Variants in KLHL1 observed in about 807,000 individuals in gnomAD.
The protein encoded by KLHL1 is kelch like family member 1.
KLHL1 carries 47 observed loss-of-function variants against 77.7 expected under a neutral mutation model. The ratio of observed to expected loss-of-function variants is 0.60; its 90% confidence interval spans 0.48 to 0.77. The LOEUF is 0.77. Ranked by LOEUF, KLHL1 falls within the 30% of genes least tolerant of loss-of-function variation. The pLI is 0.00. For missense variants in KLHL1, 925 were observed against 910.8 expected, an observed-to-expected ratio of 1.02 and a Z score of -0.20; for synonymous variants, 360 against 325.2, an observed-to-expected ratio of 1.11 and a Z score of -1.15.
At chr13:70,028,988 A>G (rs1443427856) in intron 1 of KLHL1, among the ~76,000 whole-genome samples, 1 of 151,864 alleles carries the variant, frequency 6.6e-6, no homozygotes, top group Non-Finnish European at 1.5e-5. Context: ...TTAAAAAAAA[A>G]AAAAAATCAC....
chr13:69,940,120 A>G lies in KLHL1; in HGVS notation c.934T>C (p.Ser312Pro). ...CHFLMKLLHP[S>P]NCLGIRAFAD... ...AAGGCTCGAATTCCTAAACAGTTAG[A>G]TGGATGCAAAAGCTTCATGAGGAAG... The change falls in exon 4 of 11, where the codon TCT (serine) becomes CCT (proline). Residue 312 changes from serine (S) to proline (P), a missense_variant. Transcript: ENST00000377844. 6.2e-7 allele frequency: 1 copy of G among 1,613,234 alleles called. No homozygotes were observed. Among genetic ancestry groups the G allele is most frequent in the Non-Finnish European group, 8.5e-7 (1 of 1,179,588 alleles).
chr13:69,881,122 G>A (rs1457421005), intron 5 of KLHL1, among the ~76,000 whole-genome samples: 1 of 152,090 alleles, frequency 6.6e-6, no homozygotes, highest in Non-Finnish European at 1.5e-5. Context: ...TTGTTATGAT[G>A]TGCTCACATA....
chr13:69,904,405 A>C (rs1339642050), intron 4 of KLHL1, among the ~76,000 whole-genome samples: 1 of 152,186 alleles, frequency 6.6e-6, no homozygotes, highest in Non-Finnish European at 1.5e-5. Context: ...ATATCTTTAT[A>C]AATCTCCAAC....
intron 1 of KLHL1, among the ~76,000 whole-genome samples, chr13:70,005,910 C>T (rs925604557): frequency 1.3e-5 from 2 of 151,924 alleles, no homozygotes; most frequent in South Asian, 2.1e-4. Context: ...CTGAAGTGCT[C>T]ATTATTGTAT....
At chr13:69,721,311 T>C (rs1873053687) in intron 8 of KLHL1, among the ~76,000 whole-genome samples, 2 of 150,048 alleles carry the variant, frequency 1.3e-5, no homozygotes, top group South Asian at 2.1e-4. Context: ...AATGTATATC[T>C]TACACATATT....
In KLHL1 at chr13:69,818,219, C is replaced by CTTTTTTTTTTTTTT. The variant is rs1316398623; in HGVS notation, c.1414+20743_1414+20756dup. ...AGAATTTAACTTAACTCATAGGCAT[C>CTTTTTTTTTTTTTT]TTTTTTTTTTTTTTTTTTTTGAGAC... On this transcript the variant is annotated intron_variant, in intron 6 of 10. Transcript: ENST00000377844. 5.5e-4 allele frequency among the ~76,000 whole-genome samples: 62 copies of CTTTTTTTTTTTTTT among 112,884 alleles called. 4 individuals carry two copies. Among genetic ancestry groups the CTTTTTTTTTTTTTT allele is most frequent in the African/African-American group, 2.2e-3 (55 of 25,112 alleles). The allele number at this position is 112,884 out of a possible 152,430, so 74.1% of individuals were successfully genotyped here. A position where few individuals can be genotyped will look rare whatever the true frequency, so the allele number is the denominator to read the frequency against.
At chr13:70,059,155 TTC>T (rs1886815582) in intron 1 of KLHL1, among the ~76,000 whole-genome samples, 1 of 139,638 alleles carries the variant, frequency 7.2e-6, no homozygotes, top group South Asian at 2.1e-4. Flanking sequence ...CAAATATTTC[TTC>T]TTTTTTTTTT....
intron 4 of KLHL1, among the ~76,000 whole-genome samples, chr13:69,934,484 C>T (rs147140699): frequency 2.4e-4 from 37 of 151,892 alleles, no homozygotes; most frequent in African/African-American, 7.5e-4. Flanking sequence ...TGGGTGTATA[C>T]GCCTCTAGGG....
intron 1 of KLHL1, among the ~76,000 whole-genome samples, chr13:69,985,753 A>T (rs1884846461): frequency 6.8e-6 from 1 of 148,082 alleles, no homozygotes; most frequent in African/African-American, 2.5e-5. Flanking sequence ...CAAAGGCTAA[A>T]TGGATAAACA....
At chr13:70,091,523 T>G (rs564274085) in intron 1 of KLHL1, among the ~76,000 whole-genome samples, 1 of 152,250 alleles carries the variant, frequency 6.6e-6, no homozygotes, top group Non-Finnish European at 1.5e-5. Flanking sequence ...TTTATTTCTC[T>G]TGGGCAGCAA....
intron 4 of KLHL1, among the ~76,000 whole-genome samples, chr13:69,936,589 T>C (rs1399665558): frequency 4.5e-5 from 5 of 110,074 alleles, no homozygotes; most frequent in Non-Finnish European, 9.1e-5. Context: ...CGAGACTCCA[T>C]CTCAAAAAAA....
At chr13:69,997,542 AG>A (rs1239290919) in intron 1 of KLHL1, among the ~76,000 whole-genome samples, 1 of 151,216 alleles carries the variant, frequency 6.6e-6, no homozygotes, top group Non-Finnish European at 1.5e-5. Flanking sequence ...TCCACTTATA[AG>A]TAAAATTATG....
intron 7 of KLHL1, among the ~76,000 whole-genome samples, chr13:69,789,063 C>G (rs1026870004): frequency 7.0e-6 from 1 of 142,632 alleles, no homozygotes; most frequent in African/African-American, 2.5e-5. Context: ...ATCTATCTAT[C>G]TACTTATTTA....
rs79435649 is a variant in KLHL1, at chr13:69,751,677, A to G, written c.1640-11121T>C. Among the ~76,000 whole-genome samples the G allele has an allele frequency of 6.1e-3, 928 of 152,254 alleles. 8 individuals carry two copies. The highest frequency in any genetic ancestry group is 0.022 in the African/African-American group (900 of 41,572). On this transcript the variant is annotated intron_variant, in intron 7 of 10. Transcript: ENST00000377844. ...ATACAGTGTGGGGCCTTGTATGCCA[A>G]TATGATTTATTTTATCCTAAGAGTA...
At chr13:69,704,574 G>A (rs867578964) in intron 10 of KLHL1, among the ~76,000 whole-genome samples, 5 of 151,710 alleles carry the variant, frequency 3.3e-5, no homozygotes, top group African/African-American at 1.2e-4. Context: ...TTTCCTGAAA[G>A]AAGATTTCTC....
intron 6 of KLHL1, among the ~76,000 whole-genome samples, chr13:69,808,796 T>G (rs1463135012): frequency 6.6e-6 from 1 of 152,020 alleles, no homozygotes; most frequent in African/African-American, 2.4e-5. Flanking sequence ...TGAGAGAAAG[T>G]TGAAATTCAA....
At chr13:69,838,108 G>GT (rs1879099900) in intron 6 of KLHL1, among the ~76,000 whole-genome samples, 1 of 150,480 alleles carries the variant, frequency 6.6e-6, no homozygotes, top group South Asian at 2.1e-4. Context: ...GATTACATCA[G>GT]TTTTTTTCCC....
At chr13:69,856,078 T>C (rs549916872) in intron 5 of KLHL1, among the ~76,000 whole-genome samples, 1 of 151,388 alleles carries the variant, frequency 6.6e-6, no homozygotes, top group Non-Finnish European at 1.5e-5. Flanking sequence ...AGCAGAGGCA[T>C]TCACTGCATT....
chr13:70,101,524 G>A (rs775928383), intron 1 of KLHL1, among the ~76,000 whole-genome samples: 1 of 152,102 alleles, frequency 6.6e-6, no homozygotes, highest in African/African-American at 2.4e-5. Context: ...CGCCTCCAGG[G>A]TTCAAGCAAT....
Sources: allele counts gnomAD v4.1 joint callset (sites outside exome capture counted in the v4.1 genomes callset), GRCh38; gene constraint gnomAD v4.1.1; transcripts MANE v1.5; gene names NCBI Gene and HGNC (gene_info 2026-07-23, HGNC 2026-07-21).